The following GPR158 variants were observed in gnomAD, a reference collection of about 807,000 sequenced individuals.
GPR158 encodes the protein G protein-coupled receptor 158.
A neutral mutation model predicts 78.2 loss-of-function variants in GPR158; 30 were observed. The ratio of observed to expected loss-of-function variants is 0.38; its 90% CI spans 0.29 to 0.52. The LOEUF (loss-of-function observed/expected upper bound fraction) is 0.52, where lower values mean the gene tolerates loss of function less well. GPR158 is among the 20% of genes least tolerant of loss of function. The probability of loss-of-function intolerance (pLI) is 0.83; values close to 1 mark genes in which losing one functional copy is unlikely to be tolerated. For synonymous variants in GPR158, 581 were observed against 591.1 expected (o/e 0.98, Z 0.25); for missense variants, 1,463 against 1,523.5 (o/e 0.96, Z 0.66).
chr10:25,515,498 T>G (rs1317931867), intron 5 of GPR158, among the ~76,000 whole-genome samples: 1 of 141,634 alleles, frequency 7.1e-6, no homozygotes, highest in African/African-American at 2.6e-5. Context: ...TAGGTATATC[T>G]CCCAGTGCTA....
intron 5 of GPR158, among the ~76,000 whole-genome samples, chr10:25,513,243 T>C (rs1486321068): frequency 1.3e-5 from 2 of 152,024 alleles, no homozygotes; most frequent in African/African-American, 4.8e-5. Flanking sequence ...TCAGAGTTTC[T>C]ATTTCTTCCT....
At chr10:25,456,709 A>T (rs935430097) in intron 4 of GPR158, among the ~76,000 whole-genome samples, 8 of 152,216 alleles carry the variant, frequency 5.3e-5, no homozygotes, top group African/African-American at 1.9e-4. Context: ...GTCAGGTGAA[A>T]CTGAGGAATG....
chr10:25,576,986 A>AAAAAAGTC (rs1190989889), intron 7 of GPR158, among the ~76,000 whole-genome samples: 2,840 of 150,778 alleles, frequency 0.019, 46 homozygotes, highest in African/African-American at 0.031. Flanking sequence ...AAAAAAAAAA[A>AAAAAAGTC]AGTCAGGGCA....
chr10:25,317,975 C>T (rs909830497), intron 2 of GPR158, among the ~76,000 whole-genome samples: 4 of 151,956 alleles, frequency 2.6e-5, no homozygotes, highest in Non-Finnish European at 4.4e-5. Flanking sequence ...GTGATCTGCC[C>T]GCCTCCCAAA....
At chr10:25,407,713 A>G (rs926121396) in intron 3 of GPR158, among the ~76,000 whole-genome samples, 2 of 152,134 alleles carry the variant, frequency 1.3e-5, no homozygotes, top group Admixed American at 1.3e-4. Context: ...ATCTAAAATT[A>G]TGTCGACTCC....
chr10:25,506,792 T>G (rs978109914), intron 5 of GPR158, among the ~76,000 whole-genome samples: 1 of 152,218 alleles, frequency 6.6e-6, no homozygotes, highest in Non-Finnish European at 1.5e-5. Flanking sequence ...GAAGAGTAGC[T>G]GGGAGAGTAT....
At chr10:25,472,061 G>A (rs1279858273) in intron 5 of GPR158, among the ~76,000 whole-genome samples, 3 of 152,116 alleles carry the variant, frequency 2.0e-5, no homozygotes, top group Non-Finnish European at 4.4e-5. Flanking sequence ...GAATGGTATT[G>A]CCTAGGTTTT....
At chr10:25,514,516 G>A (rs1213569721) in intron 5 of GPR158, among the ~76,000 whole-genome samples, 1 of 152,086 alleles carries the variant, frequency 6.6e-6, no homozygotes, top group East Asian at 1.9e-4. Context: ...TTCAATGTTA[G>A]TATTGAGATA....
intron 2 of GPR158, among the ~76,000 whole-genome samples, chr10:25,272,935 G>A (rs1019227754): frequency 1.1e-4 from 16 of 152,278 alleles, no homozygotes; most frequent in East Asian, 1.9e-4. Context: ...CCATGCATAT[G>A]TCAACATCAT....
chr10:25,188,709 G>T (rs967346860), intron 1 of GPR158, among the ~76,000 whole-genome samples: 5 of 152,154 alleles, frequency 3.3e-5, no homozygotes, highest in Non-Finnish European at 7.3e-5. Flanking sequence ...ATACCATTCA[G>T]GACATAGGCA....
Position 25,599,346 on chromosome 10 carries a change from A to T in GPR158, c.*72A>T, listed in dbSNP as rs150600531. 4.4e-6 allele frequency: 5 copies of T among 1,132,808 alleles called. No homozygotes were observed. In the East Asian group the frequency reaches 1.2e-4, roughly 27 times the overall value. The allele number at this position is 1,132,808 out of a possible 1,614,324, so 70.2% of individuals were successfully genotyped here. A position where few individuals can be genotyped will look rare whatever the true frequency, so the allele number is the denominator to read the frequency against. Reference sequence around the variant, plus strand: ...GAGACAGAAGATATAAGAATCAAATATTCCCAAGGAGGATTTGTCAATCAA... The same window carrying T: ...GAGACAGAAGATATAAGAATCAAATTTTCCCAAGGAGGATTTGTCAATCAA... On this transcript the variant is annotated 3_prime_UTR_variant, in exon 11 of 11. Transcript: ENST00000376351.
intron 6 of GPR158, among the ~76,000 whole-genome samples, chr10:25,559,336 T>C (rs1230915994): frequency 6.6e-6 from 1 of 152,206 alleles, no homozygotes; most frequent in Non-Finnish European, 1.5e-5. Flanking sequence ...TTTTTGTCTT[T>C]ATAGTAAGTA....
Position 25,349,878 on chromosome 10 carries a change from C to A in GPR158, c.1009-46033C>A, listed in dbSNP as rs1364961720. On this transcript the variant is annotated intron_variant, in intron 2 of 10. Coordinates refer to ENST00000376351, the MANE Select transcript of GPR158 (RefSeq NM_020752.3). ...GAGCTACCACAGCATCCCATGAAAT[C>A]ACACTGGTGATCTTTTCTGGTGAGA... Among the ~76,000 whole-genome samples the A allele has an allele frequency of 1.6e-5, 2 of 127,876 alleles. 1 individual carries two copies. The highest frequency in any genetic ancestry group is 9.2e-5 in the African/African-American group (2 of 21,710). The allele number at this position is 127,876 out of a possible 152,430, so 83.9% of individuals were successfully genotyped here.
At chr10:25,297,574 A>G (rs964852091) in intron 2 of GPR158, among the ~76,000 whole-genome samples, 2 of 152,212 alleles carry the variant, frequency 1.3e-5, no homozygotes, top group African/African-American at 4.8e-5. Flanking sequence ...TCTTCATTTC[A>G]GAAACCAGGA....
intron 5 of GPR158, among the ~76,000 whole-genome samples, chr10:25,490,277 C>T (rs1326144273): frequency 6.7e-6 from 1 of 149,960 alleles, no homozygotes; most frequent in Non-Finnish European, 1.5e-5. Context: ...GATACATACA[C>T]TTTTTTTTTG....
intron 4 of GPR158, among the ~76,000 whole-genome samples, chr10:25,412,932 T>A (rs773899959): frequency 1.1e-4 from 16 of 152,230 alleles, no homozygotes; most frequent in Non-Finnish European, 1.5e-5. Flanking sequence ...ACCTTATATT[T>A]TGTCTTACAT....
chr10:25,426,035 C>A (rs1249568993), intron 4 of GPR158, among the ~76,000 whole-genome samples: 2 of 152,076 alleles, frequency 1.3e-5, no homozygotes, highest in African/African-American at 4.8e-5. Flanking sequence ...GGGGGTTAAA[C>A]AAACTAAGTT....
chr10:25,237,578 C>A (rs189543575), intron 2 of GPR158, among the ~76,000 whole-genome samples: 1 of 152,196 alleles, frequency 6.6e-6, no homozygotes, highest in African/African-American at 2.4e-5. Flanking sequence ...AAAGGGTGTA[C>A]AGAATTTAGA....
chr10:25,574,989 C>T (rs1837069545), intron 7 of GPR158, among the ~76,000 whole-genome samples: 1 of 151,342 alleles, frequency 6.6e-6, no homozygotes, highest in African/African-American at 2.4e-5. Context: ...ATTGCTTGAA[C>T]CTGGAAGGTG....
Sources: gnomAD v4.1 joint callset for allele counts (sites outside exome capture counted in the v4.1 genomes callset) on GRCh38, gnomAD v4.1.1 for gene constraint, MANE v1.5 for transcripts, NCBI Gene and HGNC (gene_info 2026-07-23, HGNC 2026-07-21) for gene names.